Variants in TBC1D19 observed in about 807,000 individuals in gnomAD.
TBC1D19 encodes TBC1 domain family, member 19.
A neutral mutation model predicts 89.0 loss-of-function variants in TBC1D19; 60 were observed. The observed-to-expected ratio is 0.67, with a 90% CI of 0.55 to 0.84. The LOEUF (loss-of-function observed/expected upper bound fraction) is 0.84, where lower values mean the gene tolerates loss of function less well. Among genes scored for constraint, TBC1D19 ranks in the 40% least tolerant of loss-of-function variants. The pLI is 0.00. For synonymous variants in TBC1D19, 189 were observed against 199.7 expected (o/e 0.95, Z 0.45); for missense variants, 500 against 610.8 (o/e 0.82, Z 1.91).
chr4:26,753,931 T>G lies in TBC1D19; in HGVS notation c.1506+41T>G, dbSNP rs562960257. On this transcript the variant is annotated intron_variant, in intron 20 of 20. Transcript: ENST00000264866. Reference sequence around the variant, plus strand: ...ACTCAGATGGGATGGAAATAGTTTCTGAGAGATTGCCAGGCTGTCATTTTA... The same window carrying G: ...ACTCAGATGGGATGGAAATAGTTTCGGAGAGATTGCCAGGCTGTCATTTTA... 6.2e-6 allele frequency: 10 copies of G among 1,608,640 alleles called. No individual in the cohort carries two copies. The African/African-American group carries it at 1.3e-4, about 21-fold the overall frequency.
chr4:26,797,920 A>G, the TBC1D19 span, among the ~76,000 whole-genome samples: 1 of 152,168 alleles, frequency 6.6e-6, no homozygotes, highest in Admixed American at 6.5e-5. Flanking sequence ...ACTTAAGTAT[A>G]AGACCTGAAA....
At chr4:26,825,451 C>A in the TBC1D19 span, among the ~76,000 whole-genome samples, 1 of 152,066 alleles carries the variant, frequency 6.6e-6, no homozygotes, top group Non-Finnish European at 1.5e-5. Flanking sequence ...TAAGGGCATG[C>A]CTCATTAGTC....
chr4:26,831,581 T>C, the TBC1D19 span, among the ~76,000 whole-genome samples: 1 of 130,764 alleles, frequency 7.6e-6, no homozygotes, highest in Non-Finnish European at 1.5e-5. Context: ...TTTTCTTCTT[T>C]TTTTTTTTTC....
chr4:26,592,135 C>A (rs578093700), intron 1 of TBC1D19, among the ~76,000 whole-genome samples: 37 of 152,314 alleles, frequency 2.4e-4, no homozygotes, highest in Middle Eastern at 3.4e-3. Context: ...AAAAGCTTAT[C>A]CACCATGATA....
At chr4:26,794,104 A>C in the TBC1D19 span, among the ~76,000 whole-genome samples, 1 of 152,236 alleles carries the variant, frequency 6.6e-6, no homozygotes, top group Non-Finnish European at 1.5e-5. Flanking sequence ...CAGTTGCCAA[A>C]AACAAGGAAG....
chr4:26,627,422 G>A (rs1002989116), intron 4 of TBC1D19, among the ~76,000 whole-genome samples: 34 of 152,172 alleles, frequency 2.2e-4, no homozygotes, highest in African/African-American at 7.7e-4. Flanking sequence ...GGATGGCTGG[G>A]TCAAATGGTA....
upstream of TBC1D19, among the ~76,000 whole-genome samples, chr4:26,580,904 CAGTAAAATCTG>C: frequency 6.6e-6 from 1 of 152,262 alleles, no homozygotes; most frequent in Non-Finnish European, 1.5e-5. Context: ...TGCCCCTCCC[CAGTAAAATCTG>C]ACACAGCATT....
At chr4:26,662,083 CA>C (rs745821825) in intron 8 of TBC1D19, among the ~76,000 whole-genome samples, 2 of 152,210 alleles carry the variant, frequency 1.3e-5, no homozygotes, top group South Asian at 2.1e-4. Context: ...CATTGCTTAG[CA>C]ATATAGTGGG....
At chr4:26,793,722 CAAA>C in the TBC1D19 span, among the ~76,000 whole-genome samples, 3 of 78,996 alleles carry the variant, frequency 3.8e-5, no homozygotes, top group African/African-American at 5.4e-5. Context: ...GACTTCGTCT[CAAA>C]AAAAAAAAAA....
At chr4:26,753,920 G>A (rs763832783) in intron 20 of TBC1D19, 30 bp downstream of exon 20, 1 of 1,611,358 alleles carries the variant, frequency 6.2e-7, no homozygotes. Context: ...AGATGGGATG[G>A]AAATAGTTTC....
the TBC1D19 span, among the ~76,000 whole-genome samples, chr4:26,851,304 C>CCTCTCTATCTATCTGTCTGTCTGT: frequency 2.7e-5 from 4 of 146,974 alleles, no homozygotes; most frequent in African/African-American, 1.0e-4. Flanking sequence ...TAATAAATAC[C>CCTCTCTATCTATCTGTCTGTCTGT]CTATCTATCT....
At chr4:26,647,755 T>G (rs1184789768) in intron 7 of TBC1D19, among the ~76,000 whole-genome samples, 1 of 152,146 alleles carries the variant, frequency 6.6e-6, no homozygotes, top group Non-Finnish European at 1.5e-5. Flanking sequence ...GTCTTTGCTC[T>G]TTGTTTTATC....
chr4:26,757,433 G>A (rs894443527), downstream of TBC1D19, among the ~76,000 whole-genome samples: 6 of 152,196 alleles, frequency 3.9e-5, no homozygotes, highest in African/African-American at 9.7e-5. Flanking sequence ...TGCTCTGCCA[G>A]TGATTACAAA....
rs181370512 is a variant in TBC1D19 at position 26,755,898 on chromosome 4, G to T, written c.*951G>T. Among the ~76,000 whole-genome samples, 1 of 152,240 alleles carries T rather than the reference G, an allele frequency of 6.6e-6. No homozygotes were observed. Among genetic ancestry groups the T allele is most frequent in the East Asian group, 1.9e-4 (1 of 5,178 alleles). On this transcript the variant is annotated 3_prime_UTR_variant, in exon 21 of 21. Transcript: ENST00000264866. Reference sequence around the variant, plus strand: ...TTTTGGGCTTTATTATAAGTGAAGGGTCTTATTTTGTATTACTTCCTAAAG... The same window carrying T: ...TTTTGGGCTTTATTATAAGTGAAGGTTCTTATTTTGTATTACTTCCTAAAG...
chr4:26,647,840 T>A (rs1017992952), intron 7 of TBC1D19, among the ~76,000 whole-genome samples: 4 of 152,118 alleles, frequency 2.6e-5, no homozygotes. Flanking sequence ...AAATATCACC[T>A]TCTTAGTAAA....
chr4:26,730,959 A>C (rs1359751833), intron 15 of TBC1D19, among the ~76,000 whole-genome samples: 1 of 152,190 alleles, frequency 6.6e-6, no homozygotes, highest in African/African-American at 2.4e-5. Context: ...AAGGAGAAAC[A>C]TTGGCTCTGG....
In TBC1D19 at chr4:26,609,373, G is replaced by T. The variant is rs1741221389; in HGVS notation, c.100-3796G>T. On this transcript the variant is annotated intron_variant, in intron 1 of 20. Coordinates refer to ENST00000264866, the MANE Select transcript of TBC1D19 (RefSeq NM_018317.4). ...AAATAGGTGAGCTGAAAATTACATT[G>T]TAATCTGATAATTGCTGAAACAGAG... Among the ~76,000 whole-genome samples the T allele has an allele frequency of 6.6e-5, 10 of 152,218 alleles. No individual in the cohort carries two copies. In the South Asian group the frequency reaches 1.9e-3, roughly 28 times the overall value.
the TBC1D19 span, among the ~76,000 whole-genome samples, chr4:26,853,616 C>T: frequency 6.6e-6 from 1 of 152,090 alleles, no homozygotes; most frequent in Non-Finnish European, 1.5e-5. Flanking sequence ...CGGCTCACTG[C>T]AATCTCTGCC....
the TBC1D19 span, among the ~76,000 whole-genome samples, chr4:26,804,555 A>T: frequency 1.3e-5 from 2 of 152,214 alleles, no homozygotes; most frequent in Admixed American, 1.3e-4. Flanking sequence ...AGCCAGTAGG[A>T]CCGCGGCTAA....
Sources: allele counts gnomAD v4.1 joint callset (sites outside exome capture counted in the v4.1 genomes callset), GRCh38; gene constraint gnomAD v4.1.1; transcripts MANE v1.5; gene names NCBI Gene and HGNC (gene_info 2026-07-23, HGNC 2026-07-21).